NPHP1: variants seen among roughly 807,000 people sequenced by gnomAD.
The protein encoded by NPHP1 is nephrocystin-1.
NPHP1 carries 70 observed loss-of-function variants against 90.4 expected under a neutral mutation model. The ratio of observed to expected loss-of-function variants is 0.77; its 90% confidence interval spans 0.64 to 0.95. NPHP1 has a LOEUF of 0.95. NPHP1 is among the 40% of genes least tolerant of loss of function. NPHP1 has a pLI of 0.00. For synonymous variants in NPHP1, 256 were observed against 271.7 expected (o/e 0.94, Z 0.57); for missense variants, 764 against 795.9 (o/e 0.96, Z 0.48).
intron 1 of NPHP1, among the ~76,000 whole-genome samples, chr2:110,202,089 C>G (rs964746807): frequency 2.0e-5 from 3 of 152,104 alleles, no homozygotes; most frequent in Non-Finnish European, 4.4e-5. Flanking sequence ...GAGATACTTC[C>G]ATATTGTTGT....
intron 2 of NPHP1, among the ~76,000 whole-genome samples, chr2:110,181,126 G>A (rs565208461): frequency 1.3e-5 from 2 of 152,292 alleles, no homozygotes; most frequent in Admixed American, 1.3e-4. Context: ...AAAGCAGTCT[G>A]GAATCTTTCT....
intron 11 of NPHP1, among the ~76,000 whole-genome samples, chr2:110,153,135 C>T (rs913433901): frequency 5.3e-5 from 8 of 152,054 alleles, no homozygotes; most frequent in Admixed American, 1.3e-4. Flanking sequence ...TTAGAAGCCA[C>T]GGAGAACAGA....
chr2:110,151,312 A>C (rs11903833), intron 11 of NPHP1, among the ~76,000 whole-genome samples: 58,741 of 151,748 alleles, frequency 0.39, 12,123 homozygotes, highest in East Asian at 0.59. Context: ...TTATATTTTT[A>C]TTGAAATTCA....
intron 5 of NPHP1, among the ~76,000 whole-genome samples, chr2:110,169,315 C>T (rs1682947798): frequency 6.6e-6 from 1 of 152,072 alleles, no homozygotes. Context: ...TTCTTTGGCT[C>T]ATTTCTCTAG....
chr2:110,178,166 T>G, intron 4 of NPHP1: 2 of 517,296 alleles, frequency 3.9e-6, no homozygotes, highest in South Asian at 6.6e-5. Context: ...TAACATTTGT[T>G]CATTTAGCTT....
At chr2:110,199,458 G>A (rs1388562827) in intron 2 of NPHP1, among the ~76,000 whole-genome samples, 4 of 151,634 alleles carry the variant, frequency 2.6e-5, no homozygotes, top group Non-Finnish European at 5.9e-5. Context: ...CAATATGGCT[G>A]TTGAAATAGG....
chr2:110,133,807 G>A (rs995991818), intron 16 of NPHP1, among the ~76,000 whole-genome samples: 1 of 151,772 alleles, frequency 6.6e-6, no homozygotes, highest in Non-Finnish European at 1.5e-5. Flanking sequence ...AATCTCAAGA[G>A]AAACTAGAAA....
intron 2 of NPHP1, among the ~76,000 whole-genome samples, chr2:110,187,637 T>C (rs1684388284): frequency 6.6e-6 from 1 of 152,044 alleles, no homozygotes; most frequent in Non-Finnish European, 1.5e-5. Flanking sequence ...TCCAAACAAC[T>C]GAAAAGGAGG....
chr2:110,183,808 A>ATT (rs1451949281), intron 2 of NPHP1, among the ~76,000 whole-genome samples: 1 of 152,122 alleles, frequency 6.6e-6, no homozygotes, highest in Non-Finnish European at 1.5e-5. Flanking sequence ...AGTGAACCTA[A>ATT]TAGATATCTA....
At chr2:110,149,225 C>T (rs183838966) in intron 12 of NPHP1, among the ~76,000 whole-genome samples, 1 of 152,258 alleles carries the variant, frequency 6.6e-6, no homozygotes, top group Non-Finnish European at 1.5e-5. Flanking sequence ...AAAGTTTCCA[C>T]GTGCCTAGGA....
rs766200312 is a variant in NPHP1, at chr2:110,150,220, G to T, written c.1120C>A (p.Gln374Lys). 2.5e-6 allele frequency: 4 copies of T among 1,613,934 alleles called. No individual in the cohort carries two copies. Residue 374 changes from glutamine (Q) to lysine (K), a missense_variant, in exon 12 of 20, where the codon CAA becomes AAA. By Grantham distance (53) the Gln-to-Lys change is moderately conservative (BLOSUM62 1). Transcript: ENST00000445609. ...SNIHTVRATW[Q>K]PKKPKTWTFS... ...GTCCATGTTTTGGGCTTTTTAGGTTGCCATGTGGCTCTGACTGTATGAATG... is the reference window on the plus strand; with the variant it reads ...GTCCATGTTTTGGGCTTTTTAGGTTTCCATGTGGCTCTGACTGTATGAATG...
At chr2:110,126,683 G>C (rs1679393712) in intron 18 of NPHP1, 1 of 152,614 alleles carries the variant, frequency 6.6e-6, no homozygotes, top group South Asian at 2.1e-4. Flanking sequence ...AAACTGAACT[G>C]TGCTAGGTAA....
Position 110,164,502 on chromosome 2 carries a change from A to G in NPHP1, c.771+186T>C. ...TCTTTTTGTACAAAAAAAAAAAAAA[A>G]CTAATGAGAAATGTTACTTGGAGCA... On this transcript the variant is annotated intron_variant, in intron 8 of 19. Transcript: ENST00000445609. 8.0e-7 allele frequency: 1 copy of G among 1,249,118 alleles called. No individual in the cohort carries two copies. The highest frequency in any genetic ancestry group is 1.2e-6 in the Non-Finnish European group (1 of 854,930). The allele number at this position is 1,249,118 out of a possible 1,614,324, so 77.4% of individuals were successfully genotyped here.
At chr2:110,124,487 G>C (rs1021188536) in intron 19 of NPHP1, 4 of 275,322 alleles carry the variant, frequency 1.5e-5, no homozygotes, top group Non-Finnish European at 2.9e-5. Flanking sequence ...ATTGTAGCAG[G>C]TGTTCTGCAT....
chr2:110,191,371 C>A (rs149949432), intron 2 of NPHP1, among the ~76,000 whole-genome samples: 1 of 152,184 alleles, frequency 6.6e-6, no homozygotes, highest in Non-Finnish European at 1.5e-5. Flanking sequence ...GATTACATCG[C>A]GCACATGGCT....
rs754292506 is a variant in NPHP1 at position 110,129,183 on chromosome 2, C to A, written c.1716+3G>T. 6.2e-7 allele frequency: 1 copy of A among 1,609,404 alleles called. No individual in the cohort carries two copies. The highest frequency in any genetic ancestry group is 1.3e-5 in the African/African-American group (1 of 74,850). ...GGTTTCCATTGCAATGCATGCTACC[C>A]ACCCTGAGAGCATCCATCACATCAG... On this transcript the variant is annotated splice_donor_region_variant and intron_variant, in intron 18 of 19. Transcript: ENST00000445609.
intron 16 of NPHP1, among the ~76,000 whole-genome samples, chr2:110,142,394 T>C (rs1436214899): frequency 6.6e-6 from 1 of 151,736 alleles, no homozygotes; most frequent in Non-Finnish European, 1.5e-5. Context: ...CAGGCTGGGG[T>C]GCAGTGGCAC....
intron 2 of NPHP1, among the ~76,000 whole-genome samples, chr2:110,192,363 CA>C (rs1289053335): frequency 2.0e-5 from 3 of 152,120 alleles, no homozygotes; most frequent in African/African-American, 7.2e-5. Context: ...GACGAATGCA[CA>C]AGCTTCAGTA....
At chr2:110,197,045 C>A (rs1032962828) in intron 2 of NPHP1, among the ~76,000 whole-genome samples, 1 of 152,104 alleles carries the variant, frequency 6.6e-6, no homozygotes, top group African/African-American at 2.4e-5. Flanking sequence ...AACCAAACTC[C>A]GCATGTTCTC....
Sources: gnomAD v4.1 joint callset for allele counts (sites outside exome capture counted in the v4.1 genomes callset) on GRCh38, gnomAD v4.1.1 for gene constraint, MANE v1.5 for transcripts, NCBI Gene and HGNC (gene_info 2026-07-23, HGNC 2026-07-21) for gene names.